The following THNSL1 variants were observed in gnomAD, a reference collection of about 807,000 sequenced individuals.
THNSL1 encodes the protein threonine synthase like 1.
THNSL1 carries 48 observed loss-of-function variants against 50.4 expected under a neutral mutation model. The ratio of observed to expected loss-of-function variants is 0.95; its 90% CI spans 0.76 to 1.21. THNSL1 has a LOEUF of 1.21. THNSL1 is among the 50% of genes most tolerant of loss of function. THNSL1 has a pLI of 0.00. For synonymous variants in THNSL1, 309 were observed against 306.1 expected, an observed-to-expected ratio of 1.01 and a Z score of -0.10; for missense variants, 896 against 871.7, an observed-to-expected ratio of 1.03 and a Z score of -0.35.
the THNSL1 span, among the ~76,000 whole-genome samples, chr10:24,957,371 G>T: frequency 6.6e-6 from 1 of 152,066 alleles, no homozygotes; most frequent in East Asian, 1.9e-4. Flanking sequence ...AAAAATCCTT[G>T]CCTGGACCAA....
chr10:24,977,576 C>T, the THNSL1 span, among the ~76,000 whole-genome samples: 5 of 152,000 alleles, frequency 3.3e-5, no homozygotes, highest in East Asian at 9.6e-4. Context: ...TTATATACGC[C>T]TACACAGTTC....
At chr10:25,016,085 AC>A (rs1564345457), upstream of THNSL1, 3 of 1,351,480 alleles carry the variant, frequency 2.2e-6, no homozygotes, top group Admixed American at 3.3e-5. Context: ...TCCCCCTTTA[AC>A]CCCCTCTTAG....
At chr10:24,952,851 C>A in the THNSL1 span, among the ~76,000 whole-genome samples, 2 of 151,686 alleles carry the variant, frequency 1.3e-5, no homozygotes, top group African/African-American at 4.8e-5. This position sits in a 1 kb window ranked among gnomAD's most constrained non-coding sequence, Gnocchi z 5.1. Flanking sequence ...GCCCCGGACG[C>A]GTCCCTTGCG....
the THNSL1 span, among the ~76,000 whole-genome samples, chr10:24,990,271 AATCCCTAT>A: frequency 6.6e-6 from 1 of 152,246 alleles, no homozygotes; most frequent in Non-Finnish European, 1.5e-5. Context: ...TTATTAAATG[AATCCCTAT>A]ATCACAACTT....
chr10:24,952,622 A>C, the THNSL1 span: 1 of 1,212,326 alleles, frequency 8.2e-7, no homozygotes, highest in Non-Finnish European at 1.1e-6. The surrounding 1 kb of genome is among the most constrained non-coding windows in gnomAD (Gnocchi z 5.1). Context: ...GGGAAGGAGC[A>C]GGGAGGGCGA....
the THNSL1 span, among the ~76,000 whole-genome samples, chr10:24,966,623 A>T: frequency 6.6e-6 from 1 of 152,330 alleles, no homozygotes; most frequent in South Asian, 2.1e-4. Context: ...TACAAGAAGG[A>T]TGCTGGAGAT....
the THNSL1 span, among the ~76,000 whole-genome samples, chr10:24,995,047 T>G: frequency 6.6e-6 from 1 of 152,132 alleles, no homozygotes; most frequent in Non-Finnish European, 1.5e-5. Context: ...TAAACTATAA[T>G]GTTCACCAAT....
At chr10:25,012,775 T>C (rs1564344138), upstream of THNSL1, among the ~76,000 whole-genome samples, 1 of 152,168 alleles carries the variant, frequency 6.6e-6, no homozygotes, top group Non-Finnish European at 1.5e-5. Flanking sequence ...CTTTGAACTG[T>C]GGACTTCTGA....
At chr10:25,019,120 A>G (rs11014347) in intron 1 of THNSL1, among the ~76,000 whole-genome samples, 37,625 of 152,132 alleles carry the variant, frequency 0.25, 5,662 homozygotes, top group East Asian at 0.5. Flanking sequence ...ATACACAGTT[A>G]GTTCTCCATA....
At chr10:25,007,766 C>A in the THNSL1 span, among the ~76,000 whole-genome samples, 1 of 151,916 alleles carries the variant, frequency 6.6e-6, no homozygotes, top group African/African-American at 2.4e-5. Context: ...GGCAGTAACT[C>A]AAAATAAACA....
intron 2 of THNSL1, 50 bp from the exon 3 acceptor site, chr10:25,023,126 G>A (rs974281637): frequency 4.9e-6 from 6 of 1,218,990 alleles, no homozygotes; most frequent in Non-Finnish European, 6.8e-6. Flanking sequence ...ACTGTAATTA[G>A]TAACCAAATT....
upstream of THNSL1, among the ~76,000 whole-genome samples, chr10:25,013,119 G>A (rs192802641): frequency 3.0e-4 from 46 of 152,234 alleles, no homozygotes; most frequent in African/African-American, 8.9e-4. Context: ...ACTTTGCTCC[G>A]CCTTTGCCTT....
At chr10:25,016,362 G>A (rs114402841), upstream of THNSL1, among the ~76,000 whole-genome samples, 89 of 152,306 alleles carry the variant, frequency 5.8e-4, no homozygotes, top group African/African-American at 2.0e-3. Context: ...CTGTGTATCT[G>A]GGGAAAAAAG....
chr10:25,007,906 G>C, the THNSL1 span, among the ~76,000 whole-genome samples: 1 of 151,090 alleles, frequency 6.6e-6, no homozygotes, highest in East Asian at 1.9e-4. Flanking sequence ...CAACCACATA[G>C]TTTTCCAGGC....
the THNSL1 span, among the ~76,000 whole-genome samples, chr10:24,992,917 C>T: frequency 2.0e-5 from 3 of 152,186 alleles, no homozygotes; most frequent in Admixed American, 6.5e-5. Context: ...CACCTCATTA[C>T]AGCTTAGTAC....
the THNSL1 span, chr10:24,953,254 CT>C: frequency 6.5e-6 from 1 of 152,878 alleles, no homozygotes; most frequent in Non-Finnish European, 1.5e-5. Flanking sequence ...CTTTCTCCAC[CT>C]TCCCCCACCT....
chr10:24,973,801 T>G, the THNSL1 span, among the ~76,000 whole-genome samples: 1 of 152,178 alleles, frequency 6.6e-6, no homozygotes, highest in African/African-American at 2.4e-5. Context: ...TCGCCCAGGC[T>G]GGAGTGAAGT....
the THNSL1 span, among the ~76,000 whole-genome samples, chr10:24,991,683 C>T: frequency 6.6e-6 from 1 of 152,328 alleles, no homozygotes; most frequent in African/African-American, 2.4e-5. Flanking sequence ...CTCAATAAAA[C>T]CTTGCACTCA....
chr10:25,025,788 T>C lies in THNSL1; in HGVS notation c.*333T>C, dbSNP rs1260095526. The C allele has an allele frequency of 4.6e-6, 1 of 216,370 alleles. No homozygotes were observed. Among genetic ancestry groups the C allele is most frequent in the African/African-American group, 2.3e-5 (1 of 42,998 alleles). The allele number at this position is 216,370 out of a possible 1,614,324, so 13.4% of individuals were successfully genotyped here. ...GTATACTATTTGGCGATTAAAATATTTAAGCCCAGTTTTCAGGTACTACAT... is the reference window on the plus strand; with the variant it reads ...GTATACTATTTGGCGATTAAAATATCTAAGCCCAGTTTTCAGGTACTACAT... On this transcript the variant is annotated 3_prime_UTR_variant, in exon 3 of 3. Coordinates refer to ENST00000376356, the MANE Select transcript of THNSL1 (RefSeq NM_024838.5).
Sources: allele counts gnomAD v4.1 joint callset (sites outside exome capture counted in the v4.1 genomes callset), GRCh38; gene constraint gnomAD v4.1.1; non-coding constraint Gnocchi (gnomAD v3.1); transcripts MANE v1.5; gene names NCBI Gene and HGNC (gene_info 2026-07-23, HGNC 2026-07-21).